The following SWT1 variants were observed in gnomAD, a reference collection of about 807,000 sequenced individuals.
SWT1 encodes transcriptional protein SWT1.
SWT1 carries 33 observed loss-of-function variants against 107.3 expected under a neutral mutation model. The ratio of observed to expected loss-of-function variants is 0.31; its 90% confidence interval spans 0.23 to 0.41. The LOEUF (loss-of-function observed/expected upper bound fraction) is 0.41, where lower values mean the gene tolerates loss of function less well. Among genes scored for constraint, SWT1 ranks in the 10% least tolerant of loss-of-function variants. The pLI is 1.00. For synonymous variants in SWT1, 345 were observed against 348.3 expected (o/e 0.99, Z 0.11); for missense variants, 898 against 1,028.9 (o/e 0.87, Z 1.74).
intron 16 of SWT1, among the ~76,000 whole-genome samples, chr1:185,244,490 TAAAA>T (rs762816143): frequency 1.3e-5 from 2 of 151,452 alleles, no homozygotes; most frequent in African/African-American, 2.4e-5. Context: ...GTATAAAAGA[TAAAA>T]AAAAGGTATA....
chr1:185,174,668 C>T lies in SWT1; in HGVS notation c.521C>T (p.Ser174Phe), dbSNP rs999231149. The change falls in exon 5 of 19, where the codon TCT (serine) becomes TTT (phenylalanine). Residue 174 changes from serine to phenylalanine, a missense_variant. Physicochemically the swap from Ser to Phe is radical, Grantham distance 155. Around this residue, in one of 6 missense-constraint regions of SWT1, gnomAD observed 382 missense variants for 362.4 expected, o/e 1.05. Coordinates refer to ENST00000367500, the MANE Select transcript of SWT1 (RefSeq NM_017673.7). ...AEGQASENKW[S>F]HLLVQREKMK... ...GGCCAGGCAAGTGAAAATAAATGGT[C>T]TCATTTACTTGTTCAGAGAGAGAAG... 1.2e-6 allele frequency: 2 copies of T among 1,613,378 alleles called. No homozygotes were observed. The highest frequency in any genetic ancestry group is 8.5e-7 in the Non-Finnish European group (1 of 1,179,742).
chr1:185,238,134 A>C (rs1005960680), intron 16 of SWT1, among the ~76,000 whole-genome samples: 1 of 151,928 alleles, frequency 6.6e-6, no homozygotes, highest in South Asian at 2.1e-4. Flanking sequence ...CTACAGGTAC[A>C]TGCCACCACA....
At chr1:185,246,548 A>G (rs1020324777) in intron 16 of SWT1, among the ~76,000 whole-genome samples, 3 of 148,120 alleles carry the variant, frequency 2.0e-5, no homozygotes, top group African/African-American at 7.4e-5. Context: ...AAGTGTTAGG[A>G]TTAGAGGCAT....
intron 16 of SWT1, among the ~76,000 whole-genome samples, chr1:185,242,991 T>A (rs144676249): frequency 6.2e-4 from 95 of 152,308 alleles, no homozygotes; most frequent in Middle Eastern, 3.4e-3. Flanking sequence ...AACAAGTATG[T>A]ATAGTAAGTA....
chr1:185,288,878 G>C (rs962845102), intron 18 of SWT1, among the ~76,000 whole-genome samples: 2 of 152,194 alleles, frequency 1.3e-5, no homozygotes, highest in Non-Finnish European at 2.9e-5. Flanking sequence ...GCTTTTGAGA[G>C]CCTGGCTGGC....
chr1:185,277,143 A>T (rs150329558), intron 18 of SWT1, among the ~76,000 whole-genome samples: 41 of 152,344 alleles, frequency 2.7e-4, no homozygotes, highest in African/African-American at 9.9e-4. Flanking sequence ...GATTCTTACA[A>T]CTGCTTTTGC....
intron 18 of SWT1, 117 bp from the exon 19 acceptor site, chr1:185,290,557 A>G (rs1240423293): frequency 4.8e-6 from 3 of 625,698 alleles, no homozygotes; most frequent in South Asian, 9.2e-5. Flanking sequence ...ATATCATGTT[A>G]TACATAATAT....
intron 16 of SWT1, among the ~76,000 whole-genome samples, chr1:185,263,110 C>G (rs540439815): frequency 2.6e-5 from 4 of 152,240 alleles, no homozygotes; most frequent in African/African-American, 9.6e-5. Context: ...CTTATTAGGA[C>G]ACTATTCAGA....
chr1:185,288,174 G>T (rs1339408889), intron 18 of SWT1, among the ~76,000 whole-genome samples: 1 of 152,112 alleles, frequency 6.6e-6, no homozygotes, highest in Non-Finnish European at 1.5e-5. Flanking sequence ...CAGCACCATA[G>T]CCCTATTTTT....
At chr1:185,176,897 T>TG (rs1655610362) in intron 5 of SWT1, 1 of 447,368 alleles carries the variant, frequency 2.2e-6, no homozygotes, top group South Asian at 9.5e-5. Flanking sequence ...GGCAGGAGAA[T>TG]GGCGTGAACC....
intron 15 of SWT1, chr1:185,227,431 C>A (rs968750749): frequency 9.3e-6 from 6 of 643,380 alleles, no homozygotes; most frequent in African/African-American, 3.6e-5. Context: ...TTCAGGCCAG[C>A]CTTCATACCA....
intron 4 of SWT1, among the ~76,000 whole-genome samples, chr1:185,172,216 C>T (rs1220067743): frequency 6.6e-6 from 1 of 152,126 alleles, no homozygotes; most frequent in African/African-American, 2.4e-5. Flanking sequence ...GTAATATCTA[C>T]TTTTATTAAG....
chr1:185,272,631 C>T (rs1663952175), intron 17 of SWT1, among the ~76,000 whole-genome samples: 1 of 152,134 alleles, frequency 6.6e-6, no homozygotes, highest in African/African-American at 2.4e-5. Context: ...CTCCTTATCT[C>T]AATTTCTTCA....
At chr1:185,275,503 T>A (rs1200604388) in intron 17 of SWT1, among the ~76,000 whole-genome samples, 1 of 149,636 alleles carries the variant, frequency 6.7e-6, no homozygotes, top group East Asian at 1.9e-4. Flanking sequence ...ATATCCATGT[T>A]CATTTAAATA....
intron 10 of SWT1, among the ~76,000 whole-genome samples, chr1:185,200,271 G>T (rs1657762914): frequency 6.6e-6 from 1 of 151,974 alleles, no homozygotes; most frequent in African/African-American, 2.4e-5. Flanking sequence ...CTCATTCTGT[G>T]TCTAGTTTTT....
At chr1:185,289,993 A>G (rs1665156051) in intron 18 of SWT1, among the ~76,000 whole-genome samples, 1 of 152,188 alleles carries the variant, frequency 6.6e-6, no homozygotes, top group Admixed American at 6.5e-5. Flanking sequence ...GGCTAGATGC[A>G]CTGGCTCATG....
intron 16 of SWT1, among the ~76,000 whole-genome samples, chr1:185,260,379 T>G (rs1662937798): frequency 6.6e-6 from 1 of 152,150 alleles, no homozygotes; most frequent in South Asian, 2.1e-4. Context: ...AGTTTAATAC[T>G]ACAGAACTGT....
chr1:185,243,299 A>G (rs1661374867), intron 16 of SWT1, among the ~76,000 whole-genome samples: 1 of 152,090 alleles, frequency 6.6e-6, no homozygotes, highest in Non-Finnish European at 1.5e-5. Context: ...TTGTAGGGAC[A>G]GGGTTTCTTC....
chr1:185,177,623 C>T (rs534638512), intron 5 of SWT1, among the ~76,000 whole-genome samples: 1 of 152,224 alleles, frequency 6.6e-6, no homozygotes, highest in African/African-American at 2.4e-5. Flanking sequence ...TTATGTTTTA[C>T]CCACTAATTC....
Sources: allele counts gnomAD v4.1 joint callset (sites outside exome capture counted in the v4.1 genomes callset), GRCh38; gene constraint gnomAD v4.1.1; regional missense constraint gnomAD v4.1.1; transcripts MANE v1.5; gene names NCBI Gene and HGNC (gene_info 2026-07-23, HGNC 2026-07-21).